The following RPTOR variants were observed in gnomAD, a reference collection of about 807,000 sequenced individuals.
RPTOR encodes regulatory-associated protein of mTOR.
Under a neutral mutation model 169.9 loss-of-function variants are expected in RPTOR, and 21 were observed. That is an observed-to-expected ratio of 0.12 (90% CI 0.09 to 0.18). The LOEUF (loss-of-function observed/expected upper bound fraction) is 0.18, where lower values mean the gene tolerates loss of function less well. Among genes scored for constraint, RPTOR ranks in the 10% least tolerant of loss-of-function variants. The pLI is 1.00. For synonymous variants in RPTOR, 732 were observed against 753.2 expected (o/e 0.97, Z 0.46); for missense variants, 1,133 against 1,855.9 (o/e 0.61, Z 7.16).
chr17:80,801,179 G>A (rs1393616408), intron 7 of RPTOR, among the ~76,000 whole-genome samples: 3 of 152,184 alleles, frequency 2.0e-5, no homozygotes, highest in Non-Finnish European at 4.4e-5. Context: ...AGAGCACGTG[G>A]CTATCCGTGC....
chr17:80,885,257 CT>C (rs1321836501), intron 17 of RPTOR, 109 bp downstream of exon 17: 1 of 1,257,060 alleles, frequency 8.0e-7, no homozygotes, highest in Admixed American at 2.7e-5. Flanking sequence ...TCAGTTTCCA[CT>C]GCGTGTCATT....
intron 5 of RPTOR, 76 bp from the exon 6 acceptor site, chr17:80,753,934 T>G: frequency 7.6e-7 from 1 of 1,313,648 alleles, no homozygotes. Flanking sequence ...CCTTCTGTGT[T>G]ACAGCTGCAG....
intron 7 of RPTOR, among the ~76,000 whole-genome samples, chr17:80,810,564 TTTTTG>T (rs56792591): frequency 0.21 from 32,321 of 151,734 alleles, 3,751 homozygotes; most frequent in African/African-American, 0.32. Context: ...TAAGTCTCTG[TTTTTG>T]TTTTGTTTTG....
intron 1 of RPTOR, among the ~76,000 whole-genome samples, chr17:80,616,255 C>G (rs2065308641): frequency 1.3e-5 from 2 of 149,762 alleles, no homozygotes; most frequent in African/African-American, 4.9e-5. Flanking sequence ...AAATAAATCT[C>G]TAAACAGCCT....
chr17:80,880,889 A>T (rs2068179690), intron 14 of RPTOR, among the ~76,000 whole-genome samples: 2 of 152,218 alleles, frequency 1.3e-5, no homozygotes, highest in African/African-American at 4.8e-5. Context: ...GCACAAGAAG[A>T]TATCGAAGCA....
chr17:80,858,980 C>T (rs2143757859), intron 13 of RPTOR, among the ~76,000 whole-genome samples: 1 of 152,236 alleles, frequency 6.6e-6, no homozygotes, highest in Admixed American at 6.5e-5. Flanking sequence ...TGTAGGGAAA[C>T]ACGGGGTGGA....
intron 1 of RPTOR, among the ~76,000 whole-genome samples, chr17:80,568,523 T>G (rs983633297): frequency 1.3e-5 from 2 of 152,242 alleles, no homozygotes; most frequent in African/African-American, 4.8e-5. Flanking sequence ...TTTAGCAGTT[T>G]GATTACAATG....
At chr17:80,668,432 G>C (rs923517706) in intron 3 of RPTOR, among the ~76,000 whole-genome samples, 2 of 152,160 alleles carry the variant, frequency 1.3e-5, no homozygotes, top group Admixed American at 1.3e-4. Context: ...ATAGGTGGCC[G>C]CAGGAGGTCT....
At chr17:80,566,746 C>T (rs2097755628) in intron 1 of RPTOR, among the ~76,000 whole-genome samples, 1 of 141,768 alleles carries the variant, frequency 7.1e-6, no homozygotes, top group African/African-American at 2.6e-5. Flanking sequence ...ATGGCGTGAA[C>T]CCGGGAGGCG....
intron 12 of RPTOR, among the ~76,000 whole-genome samples, chr17:80,856,888 G>A (rs1437434718): frequency 6.6e-6 from 1 of 152,152 alleles, no homozygotes; most frequent in African/African-American, 2.4e-5. Flanking sequence ...TATTTTTACA[G>A]GTACAGATTT....
chr17:80,745,358 C>A (rs758609869), intron 5 of RPTOR, among the ~76,000 whole-genome samples: 15 of 152,170 alleles, frequency 9.9e-5, no homozygotes, highest in Non-Finnish European at 1.9e-4. Flanking sequence ...GAAGGGCAGG[C>A]TGGAGGCTTC....
chr17:80,819,068 A>G (rs1167474849), intron 7 of RPTOR, among the ~76,000 whole-genome samples: 3 of 152,156 alleles, frequency 2.0e-5, no homozygotes, highest in Non-Finnish European at 2.9e-5. Context: ...CCTGCGGGCA[A>G]ATGGTCTGTC....
chr17:80,719,538 C>G (rs756881255), intron 4 of RPTOR, among the ~76,000 whole-genome samples: 1 of 152,184 alleles, frequency 6.6e-6, no homozygotes, highest in African/African-American at 2.4e-5. Context: ...TTTAAACTCT[C>G]AGCCAGGAAC....
At chr17:80,842,490 C>T (rs937304779) in intron 10 of RPTOR, among the ~76,000 whole-genome samples, 3 of 152,216 alleles carry the variant, frequency 2.0e-5, no homozygotes, top group Non-Finnish European at 4.4e-5. Flanking sequence ...TCAGCTTTAA[C>T]AGATGGTGCC....
chr17:80,599,883 GT>G (rs977426472), intron 1 of RPTOR, among the ~76,000 whole-genome samples: 2 of 152,210 alleles, frequency 1.3e-5, no homozygotes, highest in African/African-American at 4.8e-5. Flanking sequence ...TGCTCATCTA[GT>G]TTAGGAGATT....
At chr17:80,894,139 C>G (rs1364518154) in intron 20 of RPTOR, among the ~76,000 whole-genome samples, 3 of 152,164 alleles carry the variant, frequency 2.0e-5, no homozygotes, top group African/African-American at 7.2e-5. Flanking sequence ...GCTGCCAGAA[C>G]CTTCCATCTT....
rs1365076531 is a variant in RPTOR at position 80,936,694 on chromosome 17, A to G, written c.2920-3802A>G. Among the ~76,000 whole-genome samples, 1 of 152,248 alleles carries G rather than the reference A, an allele frequency of 6.6e-6. No homozygotes were observed. Among genetic ancestry groups the G allele is most frequent in the Non-Finnish European group, 1.5e-5 (1 of 68,040 alleles). On this transcript the variant is annotated intron_variant, in intron 24 of 33. Transcript: ENST00000306801. This position sits in a 1 kb window ranked among gnomAD's most constrained non-coding sequence, Gnocchi z 4.1. The stretch of plus-strand genomic sequence containing the variant: ...CCACATTTATCAAAACTCCGCCTGT[A>G]CCTACAGAGGGCGAAATTCACTGTA...
rs553152519 is a variant in RPTOR at position 80,958,898 on chromosome 17, G to A, written c.3477+1168G>A. 3.3e-5 allele frequency among the ~76,000 whole-genome samples: 5 copies of A among 152,362 alleles called. No individual in the cohort carries two copies. In the East Asian group the frequency reaches 5.8e-4, roughly 18 times the overall value. ...GACCACAGATACTGTGAGGGGCAGC[G>A]CCTGAGGTGGCTTTAGAGCCAGTAT... On this transcript the variant is annotated intron_variant, in intron 29 of 33. Coordinates refer to ENST00000306801, the MANE Select transcript of RPTOR (RefSeq NM_020761.3).
chr17:80,873,257 CCACTACT>C (rs1004333202), intron 13 of RPTOR, among the ~76,000 whole-genome samples: 1 of 152,154 alleles, frequency 6.6e-6, no homozygotes, highest in African/African-American at 2.4e-5. Flanking sequence ...GGGAGCCCCT[CCACTACT>C]CACCGCAGAC....
Sources: gnomAD v4.1 joint callset for allele counts (sites outside exome capture counted in the v4.1 genomes callset) on GRCh38, gnomAD v4.1.1 for gene constraint, Gnocchi (gnomAD v3.1) non-coding constraint, MANE v1.5 for transcripts, NCBI Gene and HGNC (gene_info 2026-07-23, HGNC 2026-07-21) for gene names.